Variants in DPYD observed in about 807,000 individuals in gnomAD.
DPYD encodes the protein dihydropyrimidine dehydrogenase.
DPYD carries 109 observed loss-of-function variants against 116.2 expected under a neutral mutation model. The ratio of observed to expected loss-of-function variants is 0.94; its 90% confidence interval spans 0.80 to 1.10. DPYD has a LOEUF of 1.10. Ranked by LOEUF, DPYD falls within the 50% of genes least tolerant of loss-of-function variation. The probability of loss-of-function intolerance (pLI) is 0.00; values close to 1 mark genes in which losing one functional copy is unlikely to be tolerated. For missense variants in DPYD, 1,302 were observed against 1,254.5 expected, an observed-to-expected ratio of 1.04 and a Z score of -0.57; for synonymous variants, 440 against 432.0, an observed-to-expected ratio of 1.02 and a Z score of -0.23.
chr1:97,866,382 T>G (rs1036366677), intron 2 of DPYD, among the ~76,000 whole-genome samples: 1 of 151,960 alleles, frequency 6.6e-6, no homozygotes, highest in Admixed American at 6.6e-5. Context: ...GCAAATGAAT[T>G]TGAAAAACCA....
At chr1:97,287,647 C>T (rs1466527676) in intron 18 of DPYD, among the ~76,000 whole-genome samples, 2 of 152,174 alleles carry the variant, frequency 1.3e-5, no homozygotes, top group South Asian at 4.1e-4. Flanking sequence ...GCACCCCTCC[C>T]CCAGCCTCGC....
Position 97,595,106 on chromosome 1 carries a change from TA to T in DPYD, c.910del (p.Tyr304IlefsTer10), listed in dbSNP as rs1057516711. On this transcript the variant is annotated frameshift_variant, in exon 9 of 23. Coordinates refer to ENST00000370192, the MANE Select transcript of DPYD (RefSeq NM_000110.4). LOFTEE classifies it high-confidence loss of function. ...AAGTGGCAAAAAGTCTTTGGATGTA[TA>T]AAACCCCTGGTCCTGCGTCAGGCCT... is the stretch of plus-strand genomic sequence containing the variant. ...FQGLTQDQGF[Y>X]TSKDFLPLVA... The T allele has an allele frequency of 6.2e-7, 1 of 1,613,756 alleles. No homozygotes were observed.
chr1:97,792,378 A>G (rs1266356402), intron 3 of DPYD, among the ~76,000 whole-genome samples: 1 of 151,938 alleles, frequency 6.6e-6, no homozygotes, highest in Admixed American at 6.6e-5. Context: ...GGTTCAAGCA[A>G]TTCTCTCTGC....
At chr1:97,358,609 A>G (rs1670544824) in intron 16 of DPYD, among the ~76,000 whole-genome samples, 1 of 152,074 alleles carries the variant, frequency 6.6e-6, no homozygotes, top group South Asian at 2.1e-4. Flanking sequence ...TTCCAGAGGA[A>G]GGATCAGGTC....
chr1:97,574,013 T>C (rs1199285358), intron 10 of DPYD, 43 bp from the exon 11 acceptor site: 5 of 1,604,686 alleles, frequency 3.1e-6, no homozygotes, highest in African/African-American at 2.7e-5. Flanking sequence ...AAATGTTTCT[T>C]ATTCCACACA....
intron 11 of DPYD, among the ~76,000 whole-genome samples, chr1:97,564,932 G>T (rs1434384229): frequency 2.0e-5 from 3 of 151,958 alleles, no homozygotes; most frequent in Non-Finnish European, 4.4e-5. Context: ...ACAATCATTT[G>T]TATAACAGTC....
intron 14 of DPYD, among the ~76,000 whole-genome samples, chr1:97,396,493 C>T (rs1458658348): frequency 6.6e-6 from 1 of 152,008 alleles, no homozygotes; most frequent in Non-Finnish European, 1.5e-5. Context: ...TATTTCACTA[C>T]AGCTCTGCAT....
intron 20 of DPYD, among the ~76,000 whole-genome samples, chr1:97,177,934 C>T (rs1183446958): frequency 6.6e-6 from 1 of 152,110 alleles, no homozygotes; most frequent in Non-Finnish European, 1.5e-5. Context: ...ATGGCAACTT[C>T]TCACTGTATC....
At chr1:97,693,206 G>C (rs1421282225) in intron 6 of DPYD, among the ~76,000 whole-genome samples, 2 of 146,978 alleles carry the variant, frequency 1.4e-5, no homozygotes, top group African/African-American at 5.0e-5. Flanking sequence ...CAGGAGAATA[G>C]TGTGAACCCG....
chr1:97,319,982 C>A (rs1293833905), intron 16 of DPYD, among the ~76,000 whole-genome samples: 1 of 137,914 alleles, frequency 7.3e-6, no homozygotes, highest in African/African-American at 2.7e-5. Flanking sequence ...AGACAAAAAC[C>A]ACATGATTAT....
At chr1:97,668,842 T>G (rs1659707016) in intron 8 of DPYD, among the ~76,000 whole-genome samples, 1 of 151,906 alleles carries the variant, frequency 6.6e-6, no homozygotes, top group Non-Finnish European at 1.5e-5. Context: ...TACCAAGTAT[T>G]TTTTTTAAAA....
rs115971934 is a variant in DPYD at position 97,356,310 on chromosome 1, C to T, written c.2058+17251G>A. Among the ~76,000 whole-genome samples, 483 of 152,174 alleles carry T rather than the reference C, an allele frequency of 3.2e-3. 2 individuals carry two copies. The highest frequency in any genetic ancestry group is 0.011 in the African/African-American group (467 of 41,508). On this transcript the variant is annotated intron_variant, in intron 16 of 22. Coordinates refer to ENST00000370192, the MANE Select transcript of DPYD (RefSeq NM_000110.4). ...TCTTTCCAAAGAGTTGTTTAGTCTC[C>T]TTATATATATTTGATATTAACCCCT... is the stretch of plus-strand genomic sequence containing the variant.
chr1:97,287,606 T>C (rs925368575), intron 18 of DPYD, among the ~76,000 whole-genome samples: 9 of 152,306 alleles, frequency 5.9e-5, no homozygotes, highest in African/African-American at 1.9e-4. Flanking sequence ...CTGGCTGCTT[T>C]GTTTACCTAA....
chr1:97,564,802 G>A (rs979975153), intron 11 of DPYD, among the ~76,000 whole-genome samples: 3 of 151,930 alleles, frequency 2.0e-5, no homozygotes, highest in African/African-American at 7.3e-5. Flanking sequence ...ACTTAGTCAC[G>A]GTAACTACTG....
At chr1:97,471,168 T>C (rs1677626453) in intron 13 of DPYD, among the ~76,000 whole-genome samples, 1 of 152,286 alleles carries the variant, frequency 6.6e-6, no homozygotes, top group East Asian at 1.9e-4. Context: ...ACTTCACTGA[T>C]GCCATTATGT....
At chr1:97,572,188 C>G (rs926586089) in intron 11 of DPYD, among the ~76,000 whole-genome samples, 2 of 151,810 alleles carry the variant, frequency 1.3e-5, no homozygotes, top group African/African-American at 4.8e-5. Context: ...ACAGTAAATT[C>G]TGGAATAAAA....
intron 21 of DPYD, among the ~76,000 whole-genome samples, chr1:97,092,855 T>C (rs953697769): frequency 2.6e-5 from 4 of 152,120 alleles, no homozygotes; most frequent in African/African-American, 9.7e-5. Context: ...TTATCAGCTC[T>C]TTACTATACC....
rs777425216 is a variant in DPYD at position 97,515,815 on chromosome 1, C to A, written c.1651G>T (p.Ala551Ser). 3 of 1,612,844 alleles carry A rather than the reference C, an allele frequency of 1.9e-6. No individual in the cohort carries two copies. Among genetic ancestry groups the A allele is most frequent in the East Asian group, 4.5e-5 (2 of 44,846 alleles). The stretch of plus-strand genomic sequence containing the variant: ...ATTGATGTGCTGGTGGCTGGAGTTG[C>A]GCTAGCAAGACCAAAAGGATTTATA... ...KFINPFGLASATPATSTSMIR... is the reference protein window; with the variant it reads ...KFINPFGLASSTPATSTSMIR... Residue 551 changes from alanine (A) to serine (S), a missense_variant, in exon 13 of 23, where the codon GCA becomes TCA. Ala to Ser is a moderately conservative substitution (Grantham distance 99, BLOSUM62 1). Transcript: ENST00000370192.
intron 20 of DPYD, among the ~76,000 whole-genome samples, chr1:97,165,686 T>C (rs1656270716): frequency 6.6e-6 from 1 of 152,156 alleles, no homozygotes; most frequent in Non-Finnish European, 1.5e-5. Flanking sequence ...AACAAAGATC[T>C]AATATCCTGA....
Sources: allele counts gnomAD v4.1 joint callset (sites outside exome capture counted in the v4.1 genomes callset), GRCh38; gene constraint gnomAD v4.1.1; transcripts MANE v1.5; gene names NCBI Gene and HGNC (gene_info 2026-07-23, HGNC 2026-07-21).